Variants in TMCC1 observed in about 807,000 individuals in gnomAD.
TMCC1 encodes transmembrane and coiled-coil domain family 1, also known as transmembrane and coiled-coil domains protein 1.
TMCC1 carries 15 observed loss-of-function variants against 52.4 expected under a neutral mutation model. That is an observed-to-expected ratio of 0.29 (90% confidence interval 0.19 to 0.44). The LOEUF (loss-of-function observed/expected upper bound fraction) is 0.44, where lower values mean the gene tolerates loss of function less well. Ranked by LOEUF, TMCC1 falls within the 20% of genes least tolerant of loss-of-function variation. The probability of loss-of-function intolerance (pLI) is 1.00; values close to 1 mark genes in which losing one functional copy is unlikely to be tolerated. For missense variants in TMCC1, 503 were observed against 806.0 expected (o/e 0.62, Z 4.55); for synonymous variants, 279 against 301.9 (o/e 0.92, Z 0.79).
intron 2 of TMCC1, chr3:129,847,965 C>A (rs950573631): frequency 8.5e-5 from 13 of 152,114 alleles, no homozygotes; most frequent in African/African-American, 3.1e-4. Flanking sequence ...CATTTATATT[C>A]TTTGATGAAC....
At chr3:129,743,306 A>C (rs573982373) in intron 4 of TMCC1, among the ~76,000 whole-genome samples, 21 of 152,172 alleles carry the variant, frequency 1.4e-4, no homozygotes, top group Non-Finnish European at 2.8e-4. Flanking sequence ...TGGTTGAACC[A>C]AGTCTCTGAG....
At chr3:129,710,214 CAAA>C (rs869037851) in intron 4 of TMCC1, among the ~76,000 whole-genome samples, 1 of 129,812 alleles carries the variant, frequency 7.7e-6, no homozygotes, top group Non-Finnish European at 1.7e-5. Flanking sequence ...AACAAACAAA[CAAA>C]AACTGTGTAA....
intron 4 of TMCC1, among the ~76,000 whole-genome samples, chr3:129,726,609 T>G (rs1205861127): frequency 2.0e-5 from 3 of 151,918 alleles, no homozygotes. Flanking sequence ...CCGGGCATGA[T>G]GGCTCACACC....
intron 4 of TMCC1, among the ~76,000 whole-genome samples, chr3:129,795,586 T>A (rs1437964754): frequency 1.3e-5 from 2 of 152,252 alleles, no homozygotes; most frequent in African/African-American, 2.4e-5. Context: ...TCACATTTAT[T>A]ATCCTATTGA....
intron 4 of TMCC1, among the ~76,000 whole-genome samples, chr3:129,712,677 C>G (rs1012006027): frequency 6.6e-6 from 1 of 151,890 alleles, no homozygotes; most frequent in Non-Finnish European, 1.5e-5. Context: ...GGTCTTGAAC[C>G]CCTGGGCTCA....
At chr3:129,677,980 G>A (rs779268074) in intron 4 of TMCC1, among the ~76,000 whole-genome samples, 5 of 152,234 alleles carry the variant, frequency 3.3e-5, no homozygotes, top group Non-Finnish European at 5.9e-5. Flanking sequence ...AGGCTGGGGT[G>A]CAGTAGCATG....
chr3:129,782,547 TG>T (rs2055619264), intron 4 of TMCC1, among the ~76,000 whole-genome samples: 3 of 152,174 alleles, frequency 2.0e-5, no homozygotes, highest in Admixed American at 1.3e-4. Context: ...AGAACCAAAG[TG>T]ATATTAATAT....
At chr3:129,788,747 C>T (rs186985217) in intron 4 of TMCC1, among the ~76,000 whole-genome samples, 14 of 152,082 alleles carry the variant, frequency 9.2e-5, no homozygotes, top group Non-Finnish European at 1.8e-4. Flanking sequence ...GGATTACAGG[C>T]GTGAGCCACC....
intron 5 of TMCC1, among the ~76,000 whole-genome samples, chr3:129,660,492 T>C (rs1022775982): frequency 2.0e-5 from 3 of 152,210 alleles, no homozygotes; most frequent in African/African-American, 7.2e-5. Flanking sequence ...CCCAATTTTA[T>C]ATATTTTGAC....
At position 129,814,539 on chromosome 3, in the gene TMCC1, G is replaced by A. The variant is rs76041521; in HGVS notation, c.576+13264C>T. On this transcript the variant is annotated intron_variant, in intron 4 of 6. Coordinates refer to ENST00000393238, the MANE Select transcript of TMCC1 (RefSeq NM_001017395.5). ...ATATGCAATAAAATGGCAGTATTAA[G>A]CCCTTACTTATCAAAAATAACACTG... 1.1e-3 allele frequency among the ~76,000 whole-genome samples: 173 copies of A among 152,168 alleles called. 3 individuals are homozygous for A. The East Asian group carries it at 0.012, about 10-fold the overall frequency.
intron 2 of TMCC1, among the ~76,000 whole-genome samples, chr3:129,864,029 C>T (rs571192519): frequency 2.0e-5 from 3 of 152,258 alleles, no homozygotes; most frequent in Non-Finnish European, 2.9e-5. Flanking sequence ...AAGAAGTTAT[C>T]GGGTTCATGC....
chr3:129,741,875 C>A (rs1308309938), intron 4 of TMCC1, among the ~76,000 whole-genome samples: 4 of 152,108 alleles, frequency 2.6e-5, no homozygotes, highest in Non-Finnish European at 5.9e-5. Context: ...ACAACACAGG[C>A]AAACACCTCT....
At chr3:129,679,495 G>A (rs555474402) in intron 4 of TMCC1, among the ~76,000 whole-genome samples, 35 of 152,154 alleles carry the variant, frequency 2.3e-4, no homozygotes, top group African/African-American at 7.7e-4. Flanking sequence ...TAGTAGAGAT[G>A]GGGTTTCCCC....
chr3:129,688,719 G>A, intron 4 of TMCC1: 2 of 985,454 alleles, frequency 2.0e-6, no homozygotes, highest in Non-Finnish European at 2.4e-6. Context: ...GTTTGCTAGA[G>A]CAGCTAATGC....
At chr3:129,802,445 G>A (rs2107776036) in intron 4 of TMCC1, among the ~76,000 whole-genome samples, 1 of 152,314 alleles carries the variant, frequency 6.6e-6, no homozygotes, top group African/African-American at 2.4e-5. Context: ...AAAACAATAT[G>A]TAAACTACAA....
intron 6 of TMCC1, among the ~76,000 whole-genome samples, chr3:129,653,132 C>T (rs1285311922): frequency 6.6e-6 from 1 of 152,038 alleles, no homozygotes; most frequent in African/African-American, 2.4e-5. Flanking sequence ...ACAGAATCTA[C>T]CTCATTTTTT....
intron 5 of TMCC1, among the ~76,000 whole-genome samples, chr3:129,663,676 C>T (rs144159622): frequency 1.3e-5 from 2 of 152,114 alleles, no homozygotes; most frequent in Non-Finnish European, 2.9e-5. Context: ...GACAAGAAAA[C>T]AGTAAATATC....
At chr3:129,826,727 G>A (rs1240305358) in intron 4 of TMCC1, among the ~76,000 whole-genome samples, 1 of 151,318 alleles carries the variant, frequency 6.6e-6, no homozygotes, top group African/African-American at 2.4e-5. Context: ...AAAAACCTTA[G>A]GAAAAGTTTA....
chr3:129,751,192 C>T (rs893757087), intron 4 of TMCC1, among the ~76,000 whole-genome samples: 2 of 151,304 alleles, frequency 1.3e-5, no homozygotes, highest in Non-Finnish European at 2.9e-5. Flanking sequence ...CAGAGGGAGA[C>T]CTGTCTCAAA....
Sources: gnomAD v4.1 joint callset for allele counts (sites outside exome capture counted in the v4.1 genomes callset) on GRCh38, gnomAD v4.1.1 for gene constraint, MANE v1.5 for transcripts, NCBI Gene and HGNC (gene_info 2026-07-23, HGNC 2026-07-21) for gene names.